Variants in HLA-E observed in about 807,000 individuals in gnomAD.
The protein encoded by HLA-E is major histocompatibility complex, class I, E.
Under a neutral mutation model 43.4 loss-of-function variants are expected in HLA-E, and 25 were observed. That is an observed-to-expected ratio of 0.58 (90% CI 0.42 to 0.80). HLA-E has a LOEUF of 0.80. Ranked by LOEUF, HLA-E falls within the 30% of genes least tolerant of loss-of-function variation. The pLI is 0.00. For synonymous variants in HLA-E, 161 were observed against 197.6 expected (o/e 0.81, Z 1.55); for missense variants, 343 against 470.0 (o/e 0.73, Z 2.50).
Position 30,492,905 on chromosome 6 carries a change from T to C in HLA-E, c.*159T>C. 4.2e-6 allele frequency: 2 copies of C among 480,854 alleles called. No individual in the cohort carries two copies. The highest frequency in any genetic ancestry group is 2.8e-5 in the South Asian group (1 of 35,622). 29.8% of individuals were successfully genotyped at this position (480,854 alleles called of 1,614,324 possible). A position where few individuals can be genotyped will look rare whatever the true frequency, so the allele number is the denominator to read the frequency against. ...TCTGTCTGTGTCCCTGTTAGCACAATGTGAGGAGGTAGAGAAACAGTCCAC... is the reference window on the plus strand; with the variant it reads ...TCTGTCTGTGTCCCTGTTAGCACAACGTGAGGAGGTAGAGAAACAGTCCAC... On this transcript the variant is annotated 3_prime_UTR_variant, in exon 8 of 8. Coordinates refer to ENST00000376630, the MANE Select transcript of HLA-E (RefSeq NM_005516.6). This position sits in a 1 kb window ranked among gnomAD's most constrained non-coding sequence, Gnocchi z 4.5.
chr6:30,491,772 C>A lies in HLA-E; in HGVS notation c.1003+119C>A. 1.2e-6 allele frequency: 1 copy of A among 810,782 alleles called. No individual in the cohort carries two copies. The highest frequency in any genetic ancestry group is 2.0e-6 in the Non-Finnish European group (1 of 503,276). 50.2% of individuals were successfully genotyped at this position (810,782 alleles called of 1,614,324 possible). Reference sequence around the variant, plus strand: ...GCACCATCCACACACACGAGCCTACCCAGCCTGGGGCCCTGTGTGCCAGCA... The same window carrying A: ...GCACCATCCACACACACGAGCCTACACAGCCTGGGGCCCTGTGTGCCAGCA... On this transcript the variant is annotated intron_variant, in intron 5 of 7. Transcript: ENST00000376630. The surrounding 1 kb of genome is among the most constrained non-coding windows in gnomAD (Gnocchi z 5.4).
chr6:30,490,106 C>A lies in HLA-E; in HGVS notation c.334+111C>A. 6.7e-7 allele frequency: 1 copy of A among 1,501,484 alleles called. No homozygotes were observed. The allele number at this position is 1,501,484 out of a possible 1,614,324, so 93.0% of individuals were successfully genotyped here. A position where few individuals can be genotyped will look rare whatever the true frequency, so the allele number is the denominator to read the frequency against. ...AGATTCACCCCAAGGCTGCGGAACC[C>A]GCCCAGACCCTAGACCGGGGAGAGT... is the stretch of plus-strand genomic sequence containing the variant. On this transcript the variant is annotated intron_variant, in intron 2 of 7. Coordinates refer to ENST00000376630, the MANE Select transcript of HLA-E (RefSeq NM_005516.6). This position sits in a 1 kb window ranked among gnomAD's most constrained non-coding sequence, Gnocchi z 6.6.
At position 30,491,565 on chromosome 6, in the gene HLA-E, C is replaced by G; in HGVS notation, c.915C>G (p.Ile305Met). ...CGGCTTCCCAGCCCACCATCCCCAT[C>G]GTGGGCATCATTGCTGGCCTGGTTC... ...WKPASQPTIP[I>M]VGIIAGLVLL... is the part of the protein sequence containing the mutation. The change falls in exon 5 of 8, where the codon ATC becomes ATG. Residue 305 changes from isoleucine (I) to methionine (M), a missense_variant. This residue lies in a region of HLA-E where 190 missense variants were observed against 283.6 expected (regional missense o/e 0.67). Coordinates refer to ENST00000376630, the MANE Select transcript of HLA-E (RefSeq NM_005516.6). The surrounding 1 kb of genome is among the most constrained non-coding windows in gnomAD (Gnocchi z 5.4). 1 of 1,613,540 alleles carries G rather than the reference C, an allele frequency of 6.2e-7. No individual in the cohort carries two copies. The highest frequency in any genetic ancestry group is 1.1e-5 in the South Asian group (1 of 91,082).
chr6:30,490,640 C>T lies in HLA-E; in HGVS notation c.610+125C>T. On this transcript the variant is annotated intron_variant, in intron 3 of 7. Coordinates refer to ENST00000376630, the MANE Select transcript of HLA-E (RefSeq NM_005516.6). This position sits in a 1 kb window ranked among gnomAD's most constrained non-coding sequence, Gnocchi z 6.6. Reference sequence around the variant, plus strand: ...CCAGAATACCACTCCTCCCTTGGATCAGGAGAGGGAGCTGTCACCTGAGGT... The same window carrying T: ...CCAGAATACCACTCCTCCCTTGGATTAGGAGAGGGAGCTGTCACCTGAGGT... The T allele has an allele frequency of 4.3e-6, 4 of 932,018 alleles. No homozygotes were observed. Among genetic ancestry groups the T allele is most frequent in the Non-Finnish European group, 6.3e-6 (4 of 632,292 alleles). 57.7% of individuals were successfully genotyped at this position (932,018 alleles called of 1,614,324 possible). A position where few individuals can be genotyped will look rare whatever the true frequency, so the allele number is the denominator to read the frequency against.
Position 30,490,391 on chromosome 6 carries a change from G to C in HLA-E, c.486G>C (p.Gln162His), listed in dbSNP as rs777180334. 2 of 1,613,110 alleles carry C rather than the reference G, an allele frequency of 1.2e-6. No individual in the cohort carries two copies. The highest frequency in any genetic ancestry group is 1.7e-6 in the Non-Finnish European group (2 of 1,180,040). The change falls in exon 3 of 8, where the codon CAG becomes CAC. Residue 162 changes from glutamine to histidine, a missense_variant. Around this residue, in one of 3 missense-constraint regions of HLA-E, gnomAD observed 190 missense variants for 283.6 expected, o/e 0.67. Transcript: ENST00000376630. This position sits in a 1 kb window ranked among gnomAD's most constrained non-coding sequence, Gnocchi z 6.6. ...GGACCGCGGTGGACACGGCGGCTCA[G>C]ATCTCCGAGCAAAAGTCAAATGATG... ...RSWTAVDTAA[Q>H]ISEQKSNDAS...
rs1376996075 is a variant in HLA-E, at chr6:30,489,600, G to GT, written c.64+6dup. On this transcript the variant is annotated splice_donor_region_variant and intron_variant, in intron 1 of 7. Transcript: ENST00000376630. This position sits in a 1 kb window ranked among gnomAD's most constrained non-coding sequence, Gnocchi z 5.6. The stretch of plus-strand genomic sequence containing the variant: ...CCCTTACCCAGACCTGGGCGGGTGA[G>GT]TGCGGGGTCGGGATGGAAACGGCCT... The GT allele has an allele frequency of 5.7e-6, 9 of 1,578,530 alleles. No individual in the cohort carries two copies. The highest frequency in any genetic ancestry group is 7.7e-6 in the Non-Finnish European group (9 of 1,161,788).
At position 30,492,570 on chromosome 6, in the gene HLA-E, C is replaced by T. The variant is rs1270381416; in HGVS notation, c.1066C>T (p.His356Tyr). ...CGACAGTGCCCAGGGGTCTGAGTCT[C>T]ACAGCTTGTAAAGGTGAGATTCTGG... ...WSDSAQGSES[H>Y]SL The change falls in exon 7 of 8, where the codon CAC becomes TAC. Residue 356 changes from histidine to tyrosine, a missense_variant. Around this residue, in one of 3 missense-constraint regions of HLA-E, gnomAD observed 190 missense variants for 283.6 expected, o/e 0.67. Transcript: ENST00000376630. This position sits in a 1 kb window ranked among gnomAD's most constrained non-coding sequence, Gnocchi z 4.5. 1 of 1,613,886 alleles carries T rather than the reference C, an allele frequency of 6.2e-7. No homozygotes were observed. The highest frequency in any genetic ancestry group is 1.3e-5 in the African/African-American group (1 of 74,864).
chr6:30,489,922 C>A lies in HLA-E; in HGVS notation c.261C>A (p.Ser87Arg), dbSNP rs11548299. 6.2e-7 allele frequency: 1 copy of A among 1,612,756 alleles called. No individual in the cohort carries two copies. Among genetic ancestry groups the A allele is most frequent in the Non-Finnish European group, 8.5e-7 (1 of 1,179,860 alleles). The stretch of plus-strand genomic sequence containing the variant: ...AGTATTGGGACCGGGAGACACGGAG[C>A]GCCAGGGACACCGCACAGATTTTCC... ...GSEYWDRETR[S>R]ARDTAQIFRV... Residue 87 changes from serine (S) to arginine (R), a missense_variant, in exon 2 of 8, where the codon AGC becomes AGA. By Grantham distance (110) the Ser-to-Arg change is moderately radical. This residue lies in a region of HLA-E where 94 missense variants were observed against 144.4 expected (regional missense o/e 0.65). Coordinates refer to ENST00000376630, the MANE Select transcript of HLA-E (RefSeq NM_005516.6). The surrounding 1 kb of genome is among the most constrained non-coding windows in gnomAD (Gnocchi z 5.6).
chr6:30,490,623 C>A lies in HLA-E; in HGVS notation c.610+108C>A. ...AGAAACAGGGATGGAGGCCAGAATA[C>A]CACTCCTCCCTTGGATCAGGAGAGG... On this transcript the variant is annotated intron_variant, in intron 3 of 7. Transcript: ENST00000376630. This position sits in a 1 kb window ranked among gnomAD's most constrained non-coding sequence, Gnocchi z 6.6. 9.5e-7 allele frequency: 1 copy of A among 1,051,858 alleles called. No individual in the cohort carries two copies. The highest frequency in any genetic ancestry group is 2.5e-5 in the Admixed American group (1 of 39,266). 65.2% of individuals were successfully genotyped at this position (1,051,858 alleles called of 1,614,324 possible).
At position 30,490,429 on chromosome 6, in the gene HLA-E, A is replaced by C; in HGVS notation, c.524A>C (p.Glu175Ala). The change falls in exon 3 of 8, where the codon GAG (glutamate) becomes GCG (alanine). Residue 175 changes from glutamate (E) to alanine (A), a missense_variant. Transcript: ENST00000376630. The surrounding 1 kb of genome is among the most constrained non-coding windows in gnomAD (Gnocchi z 6.6). ...AAGTCAAATGATGCCTCTGAGGCGG[A>C]GCACCAGAGAGCCTACCTGGAAGAC... is the stretch of plus-strand genomic sequence containing the variant. ...EQKSNDASEA[E>A]HQRAYLEDTC... 1 of 1,612,992 alleles carries C rather than the reference A, an allele frequency of 6.2e-7. No individual in the cohort carries two copies. Among genetic ancestry groups the C allele is most frequent in the Non-Finnish European group, 8.5e-7 (1 of 1,179,972 alleles).
chr6:30,491,573 T>A lies in HLA-E; in HGVS notation c.923T>A (p.Ile308Asn), dbSNP rs142773866. The A allele has an allele frequency of 1.9e-5, 30 of 1,613,472 alleles. No homozygotes were observed. Among genetic ancestry groups the A allele is most frequent in the Non-Finnish European group, 2.5e-5 (30 of 1,179,998 alleles). The change falls in exon 5 of 8, where the codon ATC becomes AAC. Residue 308 changes from isoleucine (I) to asparagine (N), a missense_variant. Ile to Asn is a moderately radical substitution (Grantham distance 149). Around this residue, in one of 3 missense-constraint regions of HLA-E, gnomAD observed 190 missense variants for 283.6 expected, o/e 0.67. Coordinates refer to ENST00000376630, the MANE Select transcript of HLA-E (RefSeq NM_005516.6). The surrounding 1 kb of genome is among the most constrained non-coding windows in gnomAD (Gnocchi z 5.4). ...ASQPTIPIVGIIAGLVLLGSV... is the reference protein window; with the variant it reads ...ASQPTIPIVGNIAGLVLLGSV... ...CAGCCCACCATCCCCATCGTGGGCA[T>A]CATTGCTGGCCTGGTTCTCCTTGGA... is the stretch of plus-strand genomic sequence containing the variant.
Position 30,492,699 on chromosome 6 carries a change from T to A in HLA-E, c.*3-50T>A. ...GTGTGGTGGGCTGTTCAGAGTGTCA[T>A]CACTTACCGTGACTGACCTGAATTT... On this transcript the variant is annotated intron_variant, in intron 7 of 7. Transcript: ENST00000376630. The surrounding 1 kb of genome is among the most constrained non-coding windows in gnomAD (Gnocchi z 4.5). The A allele has an allele frequency of 2.0e-6, 2 of 1,017,722 alleles. No homozygotes were observed. The highest frequency in any genetic ancestry group is 4.8e-5 in the East Asian group (2 of 41,966). The allele number at this position is 1,017,722 out of a possible 1,614,324, so 63.0% of individuals were successfully genotyped here. A position where few individuals can be genotyped will look rare whatever the true frequency, so the allele number is the denominator to read the frequency against.
At position 30,493,079 on chromosome 6, in the gene HLA-E, G is replaced by A. The variant is rs1458290471; in HGVS notation, c.*333G>A. On this transcript the variant is annotated 3_prime_UTR_variant, in exon 8 of 8. Coordinates refer to ENST00000376630, the MANE Select transcript of HLA-E (RefSeq NM_005516.6). The surrounding 1 kb of genome is among the most constrained non-coding windows in gnomAD (Gnocchi z 5.5). ...GAGGCCGAGGAGGGCAGATCACGAG[G>A]TCAGGAGATCGAAACCATCCTGGCT... The A allele has an allele frequency of 6.3e-6, 1 of 158,928 alleles. No homozygotes were observed. The allele number at this position is 158,928 out of a possible 1,614,324, so 9.8% of individuals were successfully genotyped here.
In HLA-E at chr6:30,491,776, C is replaced by A. The variant is rs1796559947; in HGVS notation, c.1003+123C>A. 5 of 774,462 alleles carry A rather than the reference C, an allele frequency of 6.5e-6. No individual in the cohort carries two copies. The highest frequency in any genetic ancestry group is 1.1e-5 in the Non-Finnish European group (5 of 473,936). The allele number at this position is 774,462 out of a possible 1,614,324, so 48.0% of individuals were successfully genotyped here. The stretch of plus-strand genomic sequence containing the variant: ...CATCCACACACACGAGCCTACCCAG[C>A]CTGGGGCCCTGTGTGCCAGCACCTA... On this transcript the variant is annotated intron_variant, in intron 5 of 7. Transcript: ENST00000376630. This position sits in a 1 kb window ranked among gnomAD's most constrained non-coding sequence, Gnocchi z 5.4.
chr6:30,491,779 G>A lies in HLA-E; in HGVS notation c.1003+126G>A. On this transcript the variant is annotated intron_variant, in intron 5 of 7. Transcript: ENST00000376630. The surrounding 1 kb of genome is among the most constrained non-coding windows in gnomAD (Gnocchi z 5.4). ...CCACACACACGAGCCTACCCAGCCT[G>A]GGGCCCTGTGTGCCAGCACCTACTC... 1 of 766,162 alleles carries A rather than the reference G, an allele frequency of 1.3e-6. No homozygotes were observed. Among genetic ancestry groups the A allele is most frequent in the Middle Eastern group, 2.6e-4 (1 of 3,786 alleles). The allele number at this position is 766,162 out of a possible 1,614,324, so 47.5% of individuals were successfully genotyped here. A position where few individuals can be genotyped will look rare whatever the true frequency, so the allele number is the denominator to read the frequency against.
rs753245003 is a variant in HLA-E, at chr6:30,491,514, C to T, written c.887-23C>T. 3.1e-6 allele frequency: 5 copies of T among 1,612,286 alleles called. No homozygotes were observed. Among genetic ancestry groups the T allele is most frequent in the African/African-American group, 2.7e-5 (2 of 74,916 alleles). On this transcript the variant is annotated intron_variant, in intron 4 of 7. Transcript: ENST00000376630. The surrounding 1 kb of genome is among the most constrained non-coding windows in gnomAD (Gnocchi z 5.4). ...GGCTGAGGCCTGGGGGTCAGGGCCCCTTACGTTCCCCTCTTTTCCCAGAGC... is the reference window on the plus strand; with the variant it reads ...GGCTGAGGCCTGGGGGTCAGGGCCCTTTACGTTCCCCTCTTTTCCCAGAGC...
Position 30,491,312 on chromosome 6 carries a change from C to T in HLA-E, c.786C>T (p.Phe262=), listed in dbSNP as rs1339295230. The change falls in exon 4 of 8, where the codon TTC becomes TTT. Residue 262 remains phenylalanine (F), a synonymous_variant. Coordinates refer to ENST00000376630, the MANE Select transcript of HLA-E (RefSeq NM_005516.6). The surrounding 1 kb of genome is among the most constrained non-coding windows in gnomAD (Gnocchi z 5.4). ...VETRPAGDGT[F]QKWAAVVVPS... ...CCAGGCCTGCAGGGGATGGAACCTT[C>T]CAGAAGTGGGCAGCTGTGGTGGTGC... The T allele has an allele frequency of 6.2e-7, 1 of 1,614,094 alleles. No individual in the cohort carries two copies. The highest frequency in any genetic ancestry group is 1.3e-5 in the African/African-American group (1 of 74,928).
chr6:30,489,964 G>A lies in HLA-E; in HGVS notation c.303G>A (p.Thr101=), dbSNP rs745776075. The change falls in exon 2 of 8, where the codon ACG becomes ACA. Residue 101 remains threonine, a synonymous_variant. Coordinates refer to ENST00000376630, the MANE Select transcript of HLA-E (RefSeq NM_005516.6). The surrounding 1 kb of genome is among the most constrained non-coding windows in gnomAD (Gnocchi z 5.6). ...TAQIFRVNLR[T]LRGYYNQSEA... is the part of the protein sequence containing the mutation. ...AGATTTTCCGAGTGAATCTGCGGAC[G>A]CTGCGCGGCTACTACAATCAGAGCG... 6.2e-7 allele frequency: 1 copy of A among 1,610,454 alleles called. No individual in the cohort carries two copies. The highest frequency in any genetic ancestry group is 1.1e-5 in the South Asian group (1 of 90,884).
chr6:30,489,948 G>C lies in HLA-E; in HGVS notation c.287G>C (p.Arg96Pro). Reference protein sequence around the residue: ...RSARDTAQIFRVNLRTLRGYY... With the variant: ...RSARDTAQIFPVNLRTLRGYY... ...GCCAGGGACACCGCACAGATTTTCCGAGTGAATCTGCGGACGCTGCGCGGC... is the reference window on the plus strand; with the variant it reads ...GCCAGGGACACCGCACAGATTTTCCCAGTGAATCTGCGGACGCTGCGCGGC... Residue 96 changes from arginine (R) to proline (P), a missense_variant, in exon 2 of 8, where the codon CGA becomes CCA. Transcript: ENST00000376630. This position sits in a 1 kb window ranked among gnomAD's most constrained non-coding sequence, Gnocchi z 5.6. The C allele has an allele frequency of 1.2e-6, 2 of 1,612,076 alleles. No individual in the cohort carries two copies. The highest frequency in any genetic ancestry group is 1.1e-5 in the South Asian group (1 of 91,018).
Sources: gnomAD v4.1 joint callset for allele counts on GRCh38, gnomAD v4.1.1 for gene constraint, gnomAD v4.1.1 regional missense constraint, Gnocchi (gnomAD v3.1) non-coding constraint, MANE v1.5 for transcripts, NCBI Gene and HGNC (gene_info 2026-07-23, HGNC 2026-07-21) for gene names.